BIRC6: variants seen among roughly 807,000 people sequenced by gnomAD.
The protein encoded by BIRC6 is baculoviral IAP repeat containing 6.
A neutral mutation model predicts 503.3 loss-of-function variants in BIRC6; 98 were observed. That is an observed-to-expected ratio of 0.19 (90% CI 0.17 to 0.23). The LOEUF (loss-of-function observed/expected upper bound fraction) is 0.23. BIRC6 is among the 10% of genes least tolerant of loss of function. BIRC6 has a pLI of 1.00. For missense variants in BIRC6, 5,360 were observed against 5,806.0 expected (o/e 0.92, Z 2.50); for synonymous variants, 2,240 against 2,078.7 (o/e 1.08, Z -2.11).
chr2:32,506,499 T>C (rs1189237460), intron 50 of BIRC6, among the ~76,000 whole-genome samples: 2 of 152,224 alleles, frequency 1.3e-5, no homozygotes, highest in Non-Finnish European at 2.9e-5. Context: ...TAAGTCAATG[T>C]AAGACTTAGG....
chr2:32,384,357 A>G (rs1393447683), intron 3 of BIRC6, among the ~76,000 whole-genome samples: 1 of 152,078 alleles, frequency 6.6e-6, no homozygotes, highest in African/African-American at 2.4e-5. Context: ...GATGATACAC[A>G]GTAAGACCAG....
chr2:32,360,062 A>G (rs1443570112), intron 1 of BIRC6, among the ~76,000 whole-genome samples: 2 of 152,222 alleles, frequency 1.3e-5, no homozygotes, highest in African/African-American at 4.8e-5. Flanking sequence ...AGTAGCGATC[A>G]TGGTCCTAAC....
chr2:32,481,514 C>G (rs1261988069), intron 38 of BIRC6, 61 bp downstream of exon 38: 2 of 1,384,138 alleles, frequency 1.4e-6, no homozygotes, highest in East Asian at 2.8e-5. Flanking sequence ...TGCCTGTTAT[C>G]CCAGCACTTT....
chr2:32,370,217 G>A (rs2035732525), intron 1 of BIRC6, among the ~76,000 whole-genome samples: 1 of 151,760 alleles, frequency 6.6e-6, no homozygotes, highest in Non-Finnish European at 1.5e-5. Flanking sequence ...CTTACACGGA[G>A]TAGTAGGTCT....
intron 65 of BIRC6, among the ~76,000 whole-genome samples, chr2:32,549,802 T>C (rs2058311479): frequency 6.6e-6 from 1 of 152,202 alleles, no homozygotes. Context: ...GATCTGAATA[T>C]GGTCAAATTT....
intron 37 of BIRC6, 41 bp downstream of exon 37, chr2:32,479,658 G>A: frequency 1.4e-6 from 2 of 1,423,994 alleles, no homozygotes; most frequent in Admixed American, 2.2e-5. Context: ...TCTATTAAAT[G>A]GAAACATGTT....
intron 61 of BIRC6, among the ~76,000 whole-genome samples, chr2:32,533,367 G>A (rs1301703354): frequency 6.6e-6 from 1 of 152,188 alleles, no homozygotes; most frequent in Non-Finnish European, 1.5e-5. Flanking sequence ...ACACAAAGTG[G>A]TGAAAGTACA....
chr2:32,366,155 G>T (rs552485621), intron 1 of BIRC6, among the ~76,000 whole-genome samples: 1 of 152,218 alleles, frequency 6.6e-6, no homozygotes, highest in African/African-American at 2.4e-5. Flanking sequence ...ACAGGCATGA[G>T]CCACCATGCC....
chr2:32,368,400 C>T (rs1012947469), intron 1 of BIRC6, among the ~76,000 whole-genome samples: 3 of 151,640 alleles, frequency 2.0e-5, no homozygotes, highest in Non-Finnish European at 2.9e-5. Flanking sequence ...ATTAGCCAGG[C>T]GTGGTGGTGT....
intron 66 of BIRC6, among the ~76,000 whole-genome samples, chr2:32,579,514 C>T (rs1234113961): frequency 6.6e-6 from 1 of 151,932 alleles, no homozygotes; most frequent in Non-Finnish European, 1.5e-5. Context: ...ATAGGGAGAC[C>T]CTGTCTCTAC....
At chr2:32,499,520 TC>T in intron 45 of BIRC6, 26 bp from the exon 46 acceptor site, 1 of 1,508,598 alleles carries the variant, frequency 6.6e-7, no homozygotes, top group East Asian at 2.3e-5. Flanking sequence ...TCTCTCTTTT[TC>T]TGTCTCTCTC....
intron 63 of BIRC6, 65 bp downstream of exon 63, chr2:32,545,925 A>G: frequency 7.0e-7 from 1 of 1,436,000 alleles, no homozygotes; most frequent in Non-Finnish European, 9.5e-7. Context: ...GTACAGAATA[A>G]AGTTTTTTTC....
At chr2:32,524,147 A>G (rs1318582814) in intron 57 of BIRC6, among the ~76,000 whole-genome samples, 5 of 152,142 alleles carry the variant, frequency 3.3e-5, no homozygotes, top group African/African-American at 1.2e-4. Context: ...TAATAACTAA[A>G]TCACATTATA....
chr2:32,504,958 T>C (rs1187181942), intron 49 of BIRC6, 47 bp from the exon 50 acceptor site: 9 of 1,477,214 alleles, frequency 6.1e-6, no homozygotes, highest in Non-Finnish European at 7.4e-6. Flanking sequence ...AGCTTTATTA[T>C]GTTTCTTTTG....
intron 9 of BIRC6, among the ~76,000 whole-genome samples, chr2:32,407,322 CCTA>C (rs914253140): frequency 6.6e-6 from 1 of 151,852 alleles, no homozygotes; most frequent in African/African-American, 2.4e-5. Context: ...GTGGCGCATG[CCTA>C]TCCCAGTTAC....
chr2:32,463,219 A>C lies in BIRC6; in HGVS notation c.4779A>C (p.Ala1593=). Residue 1593 remains alanine (A), a synonymous_variant, in exon 24 of 74, where the codon GCA becomes GCC. Coordinates refer to ENST00000421745, the MANE Select transcript of BIRC6 (RefSeq NM_016252.4). ...DAMSSFGVTP[A]VGGLSSGTVG... ...TGAGTTCCTTCGGGGTTACTCCTGC[A>C]GTAGGTGGACTATCATCTGGGACAG... 6.2e-7 allele frequency: 1 copy of C among 1,613,052 alleles called. No individual in the cohort carries two copies. The highest frequency in any genetic ancestry group is 8.5e-7 in the Non-Finnish European group (1 of 1,179,508).
intron 3 of BIRC6, among the ~76,000 whole-genome samples, chr2:32,386,531 C>T (rs926890046): frequency 7.9e-5 from 12 of 151,548 alleles, no homozygotes; most frequent in African/African-American, 1.9e-4. Flanking sequence ...GTAGCCTTGC[C>T]GTCCTGGGCT....
chr2:32,506,566 A>G (rs530932199), intron 50 of BIRC6, among the ~76,000 whole-genome samples: 58 of 152,384 alleles, frequency 3.8e-4, no homozygotes, highest in African/African-American at 1.2e-3. Context: ...GAGTTTGGTC[A>G]TAAGTGGTGG....
At chr2:32,518,119 G>T in intron 55 of BIRC6, 135 bp from the exon 56 acceptor site, 1 of 775,118 alleles carries the variant, frequency 1.3e-6, no homozygotes, top group Non-Finnish European at 1.9e-6. Flanking sequence ...GACCCCCAGA[G>T]ACATTTGTTC....
Sources: allele counts gnomAD v4.1 joint callset (sites outside exome capture counted in the v4.1 genomes callset), GRCh38; gene constraint gnomAD v4.1.1; transcripts MANE v1.5; gene names NCBI Gene and HGNC (gene_info 2026-07-23, HGNC 2026-07-21).